Variants in WARS1 observed in about 807,000 individuals in gnomAD.
WARS1 encodes the protein tryptophanyl-tRNA synthetase 1.
In WARS1, 17 loss-of-function variants were observed where a neutral mutation model predicts 47.8. That is an observed-to-expected ratio of 0.36 (90% CI 0.24 to 0.53). The LOEUF is 0.53. WARS1 is among the 20% of genes least tolerant of loss of function. The pLI, the probability that WARS1 is intolerant of heterozygous loss-of-function variation, is 0.91. For missense variants in WARS1, 434 were observed against 608.0 expected (o/e 0.71, Z 3.01); for synonymous variants, 208 against 228.1 (o/e 0.91, Z 0.79).
chr14:100,351,006 G>T (rs1894945504), intron 6 of WARS1, among the ~76,000 whole-genome samples: 1 of 152,218 alleles, frequency 6.6e-6, no homozygotes, highest in Non-Finnish European at 1.5e-5. Flanking sequence ...ATGTGGAACT[G>T]CAAGCTGTTC....
chr14:100,363,476 G>A (rs139905533), intron 2 of WARS1, among the ~76,000 whole-genome samples: 3 of 152,098 alleles, frequency 2.0e-5, no homozygotes, highest in Non-Finnish European at 2.9e-5. Context: ...CGGGCGGATC[G>A]CCTGAGCTCA....
chr14:100,356,977 G>A (rs1441637242), intron 4 of WARS1, among the ~76,000 whole-genome samples: 1 of 152,152 alleles, frequency 6.6e-6, no homozygotes, highest in Admixed American at 6.5e-5. Context: ...AGTGGAATTT[G>A]TTCCAGGAAC....
chr14:100,359,585 G>A (rs1895534773), intron 4 of WARS1, among the ~76,000 whole-genome samples: 1 of 152,166 alleles, frequency 6.6e-6, no homozygotes, highest in Admixed American at 6.6e-5. Context: ...GGGAGTTATT[G>A]ATATCTTACT....
Position 100,353,622 on chromosome 14 carries a change from G to C in WARS1, c.725+65C>G, listed in dbSNP as rs1169563978. On this transcript the variant is annotated intron_variant, in intron 6 of 10. Transcript: ENST00000392882. Reference sequence around the variant, plus strand: ...CATTTCAGTTGTTTCGAATTTAGCTGTGGTCATGACAACTTGACATCCTCC... The same window carrying C: ...CATTTCAGTTGTTTCGAATTTAGCTCTGGTCATGACAACTTGACATCCTCC... 8 of 1,554,882 alleles carry C rather than the reference G, an allele frequency of 5.1e-6. No individual in the cohort carries two copies. In the East Asian group the frequency reaches 1.8e-4, roughly 35 times the overall value.
intron 2 of WARS1, chr14:100,367,046 A>AT: frequency 1.4e-6 from 1 of 736,266 alleles, no homozygotes; most frequent in Non-Finnish European, 2.1e-6. Flanking sequence ...GTAAAATAAG[A>AT]TTAAAAAAAA....
At chr14:100,338,059 C>T (rs1470607654) in intron 9 of WARS1, among the ~76,000 whole-genome samples, 1 of 151,898 alleles carries the variant, frequency 6.6e-6, no homozygotes, top group Non-Finnish European at 1.5e-5. Context: ...GAAGGCAAAC[C>T]CACGAGAAGT....
intron 2 of WARS1, among the ~76,000 whole-genome samples, chr14:100,362,630 T>C (rs564494464): frequency 6.6e-6 from 1 of 152,274 alleles, no homozygotes; most frequent in Non-Finnish European, 1.5e-5. Context: ...CCTGGAAGCC[T>C]GGTGTTTAGA....
chr14:100,351,965 C>G (rs1339565795), intron 6 of WARS1, among the ~76,000 whole-genome samples: 2 of 149,474 alleles, frequency 1.3e-5, no homozygotes, highest in African/African-American at 4.9e-5. Context: ...TGCACTCCAG[C>G]CTGGGTGACA....
intron 1 of WARS1, chr14:100,374,692 G>C (rs1247177914): frequency 6.6e-6 from 1 of 152,214 alleles, no homozygotes. Context: ...ATGTGGCCCA[G>C]GAGTGTTTCT....
chr14:100,366,164 T>C (rs1895979025), intron 2 of WARS1: 1 of 452,922 alleles, frequency 2.2e-6, no homozygotes, highest in African/African-American at 2.0e-5. Flanking sequence ...ACACAGAGAA[T>C]AGGGAGCTTC....
chr14:100,351,049 G>A (rs1224943966), intron 6 of WARS1, among the ~76,000 whole-genome samples: 1 of 152,176 alleles, frequency 6.6e-6, no homozygotes, highest in Non-Finnish European at 1.5e-5. Context: ...ACGCTGGAGA[G>A]GAACACAGGG....
At chr14:100,374,485 A>G (rs1425669911) in intron 1 of WARS1, among the ~76,000 whole-genome samples, 1 of 152,172 alleles carries the variant, frequency 6.6e-6, no homozygotes, top group Non-Finnish European at 1.5e-5. Flanking sequence ...GTGGTGGAGG[A>G]GCATAATAGG....
chr14:100,342,444 T>G lies in WARS1; in HGVS notation c.1067A>C (p.Asn356Thr), dbSNP rs756503817. Reference protein sequence around the residue: ...AQTKMSASDPNSSIFLTDTAK... With the variant: ...AQTKMSASDPTSSIFLTDTAK... ...CGTGTCGGTGAGGAAGATGGAGGAG[T>G]TGGGGTCGCTGGCACTCATTTTGGT... The change falls in exon 9 of 11, where the codon AAC (asparagine) becomes ACC (threonine). Residue 356 changes from asparagine to threonine, a missense_variant. Physicochemically the swap from Asn to Thr is moderately conservative, Grantham distance 65. Transcript: ENST00000392882. 2 of 1,613,740 alleles carry G rather than the reference T, an allele frequency of 1.2e-6. No individual in the cohort carries two copies.
At chr14:100,366,599 T>A in intron 2 of WARS1, 1 of 718,068 alleles carries the variant, frequency 1.4e-6, no homozygotes, top group Non-Finnish European at 2.6e-6. Context: ...GAGTTGAGTG[T>A]CCTGAGAGGT....
At chr14:100,357,750 C>T (rs571029153) in intron 4 of WARS1, among the ~76,000 whole-genome samples, 22 of 152,072 alleles carry the variant, frequency 1.4e-4, no homozygotes, top group Non-Finnish European at 2.5e-4. Flanking sequence ...TGTAAGCCAC[C>T]GTGCCCGGCC....
At chr14:100,335,774 G>A (rs1182871533) in intron 10 of WARS1, among the ~76,000 whole-genome samples, 3 of 152,110 alleles carry the variant, frequency 2.0e-5, no homozygotes, top group Non-Finnish European at 2.9e-5. Flanking sequence ...CAGCAGCAAA[G>A]TAAAGAAAAA....
chr14:100,336,058 G>A (rs1294517686), intron 10 of WARS1, among the ~76,000 whole-genome samples: 1 of 151,702 alleles, frequency 6.6e-6, no homozygotes, highest in Non-Finnish European at 1.5e-5. Context: ...GGTGGATCAC[G>A]AGGTCGGGAG....
At chr14:100,357,127 CAT>C (rs1024187291) in intron 4 of WARS1, among the ~76,000 whole-genome samples, 7 of 152,074 alleles carry the variant, frequency 4.6e-5, no homozygotes, top group African/African-American at 1.7e-4. Context: ...AATAAAAACA[CAT>C]GTTGAAGGGT....
rs1245240821 is a variant in WARS1, at chr14:100,366,964, A to C, written c.99+2123T>G. 5 of 1,498,490 alleles carry C rather than the reference A, an allele frequency of 3.3e-6. No homozygotes were observed. The African/African-American group carries it at 4.2e-5, about 12-fold the overall frequency. The allele number at this position is 1,498,490 out of a possible 1,614,324, so 92.8% of individuals were successfully genotyped here. On this transcript the variant is annotated intron_variant, in intron 2 of 10. Coordinates refer to ENST00000392882, the MANE Select transcript of WARS1 (RefSeq NM_004184.4). ...TATCATAGTGGTTTCTTAACTCTCC[A>C]AAATAAGATTTCTTCACTGTAGCCT...
Sources: allele counts gnomAD v4.1 joint callset (sites outside exome capture counted in the v4.1 genomes callset), GRCh38; gene constraint gnomAD v4.1.1; transcripts MANE v1.5; gene names NCBI Gene and HGNC (gene_info 2026-07-23, HGNC 2026-07-21).